The following TMEM164 variants were observed in gnomAD, a reference collection of about 807,000 sequenced individuals.
TMEM164 encodes transmembrane protein 164, also known as RP13-360B22.2.
TMEM164 carries 4 observed loss-of-function variants against 18.8 expected under a neutral mutation model. The observed-to-expected ratio is 0.21, with a 90% confidence interval of 0.10 to 0.49. TMEM164 has a LOEUF of 0.49. TMEM164 is among the 20% of genes least tolerant of loss of function. The pLI is 0.98. For synonymous variants in TMEM164, 86 were observed against 101.7 expected (o/e 0.85, Z 0.93); for missense variants, 108 against 239.9 (o/e 0.45, Z 3.63).
At chrX:110,002,928 T>C (rs1301807485), upstream of TMEM164, among the ~76,000 whole-genome samples, 4 of 107,838 alleles carry the variant, frequency 3.7e-5, no homozygotes, top group African/African-American at 1.0e-4. Flanking sequence ...GCCTTCCCTC[T>C]GGCTTCCTCC....
At chrX:110,092,437 G>C (rs865783895) in intron 3 of TMEM164, among the ~76,000 whole-genome samples, 4 of 111,422 alleles carry the variant, frequency 3.6e-5, no homozygotes, top group African/African-American at 6.5e-5. Context: ...CCCTTGTAAG[G>C]TGGATTCGTA....
At chrX:110,119,041 G>A (rs968964804) in intron 4 of TMEM164, among the ~76,000 whole-genome samples, 9 of 110,877 alleles carry the variant, frequency 8.1e-5, no homozygotes, top group Admixed American at 5.8e-4. Flanking sequence ...AAAGACAGAG[G>A]GGTGATAGAT....
intron 5 of TMEM164, among the ~76,000 whole-genome samples, chrX:110,153,807 G>A (rs996450843): frequency 3.6e-5 from 4 of 111,537 alleles, no homozygotes; most frequent in Non-Finnish European, 7.5e-5. Flanking sequence ...TCAGCTATCA[G>A]TAGTGTATTT....
At chrX:110,076,006 A>AT (rs56696213) in intron 3 of TMEM164, among the ~76,000 whole-genome samples, 2 of 73,750 alleles carry the variant, frequency 2.7e-5, no homozygotes, top group East Asian at 8.5e-4. Flanking sequence ...CTCCTCCTTG[A>AT]TTTTTTTTTT....
rs187123012 is a variant in TMEM164, at chrX:110,081,826, C to T, written c.440+14430C>T. 4.3e-3 allele frequency among the ~76,000 whole-genome samples: 479 copies of T among 112,024 alleles called. 1 individual carries two copies. Among genetic ancestry groups the T allele is most frequent in the African/African-American group, 0.014 (433 of 30,858 alleles). ...GCCACACATGAGTTTACCAGCTTCCCAGCTAACCAGGGGCCAGCATGTTCT... is the reference window on the plus strand; with the variant it reads ...GCCACACATGAGTTTACCAGCTTCCTAGCTAACCAGGGGCCAGCATGTTCT... On this transcript the variant is annotated intron_variant, in intron 3 of 6. Coordinates refer to ENST00000372068, the MANE Select transcript of TMEM164 (RefSeq NM_032227.4).
At chrX:110,079,597 T>C (rs967553948) in intron 3 of TMEM164, among the ~76,000 whole-genome samples, 3 of 111,901 alleles carry the variant, frequency 2.7e-5, no homozygotes, top group Non-Finnish European at 3.8e-5. Flanking sequence ...CTGGGTGCAA[T>C]TTTGAAACCC....
At chrX:110,137,829 T>C (rs2066712705) in intron 4 of TMEM164, among the ~76,000 whole-genome samples, 1 of 112,084 alleles carries the variant, frequency 8.9e-6, no homozygotes, top group Admixed American at 9.4e-5. Flanking sequence ...TTAATAGGTG[T>C]TTTTGGTCAA....
At chrX:110,103,337 A>C (rs941863698) in intron 3 of TMEM164, among the ~76,000 whole-genome samples, 1 of 111,991 alleles carries the variant, frequency 8.9e-6, no homozygotes, top group African/African-American at 3.2e-5. Context: ...AGCAAGGAGG[A>C]AGTTTTAGTC....
At chrX:110,069,187 T>A (rs2065545894) in intron 3 of TMEM164, among the ~76,000 whole-genome samples, 1 of 112,067 alleles carries the variant, frequency 8.9e-6, no homozygotes, top group South Asian at 3.7e-4. Flanking sequence ...TATATGGGAA[T>A]GTTTAAATAT....
chrX:110,046,596 T>C, intron 2 of TMEM164: 2 of 510,863 alleles, frequency 3.9e-6, no homozygotes, highest in Non-Finnish European at 4.8e-6. Context: ...TCTCTTCTGG[T>C]GTCACTAGGA....
intron 4 of TMEM164, among the ~76,000 whole-genome samples, chrX:110,122,188 A>G (rs1193549932): frequency 1.8e-5 from 2 of 109,210 alleles, no homozygotes; most frequent in African/African-American, 6.7e-5. Context: ...ATGTCCAACA[A>G]TGATAGACTG....
intron 5 of TMEM164, among the ~76,000 whole-genome samples, chrX:110,162,445 G>T (rs1293372729): frequency 8.9e-6 from 1 of 112,322 alleles, no homozygotes; most frequent in Non-Finnish European, 1.9e-5. Flanking sequence ...CTTCCAGGGT[G>T]AAGCATGGCC....
intron 2 of TMEM164, among the ~76,000 whole-genome samples, chrX:110,010,713 A>G (rs1243271776): frequency 1.8e-5 from 2 of 111,850 alleles, no homozygotes; most frequent in African/African-American, 6.5e-5. Flanking sequence ...ATCTGTGGGC[A>G]AGGCATTAAG....
At chrX:110,152,350 A>G (rs113961124) in intron 5 of TMEM164, among the ~76,000 whole-genome samples, 5,632 of 110,823 alleles carry the variant, frequency 0.051, 363 homozygotes, top group African/African-American at 0.18. Flanking sequence ...CACCCTGCCC[A>G]GCTGAATTTT....
At chrX:110,183,045 C>T (rs1259222996), downstream of TMEM164, among the ~76,000 whole-genome samples, 1 of 112,241 alleles carries the variant, frequency 8.9e-6, no homozygotes, top group Non-Finnish European at 1.9e-5. Flanking sequence ...TTAGGCCCCT[C>T]CTGCAGTGGC....
downstream of TMEM164, among the ~76,000 whole-genome samples, chrX:110,179,578 A>G (rs1457520539): frequency 8.9e-6 from 1 of 111,882 alleles, no homozygotes; most frequent in East Asian, 2.8e-4. Flanking sequence ...CTGTTTTCTC[A>G]GCTTCCCACT....
chrX:110,162,126 C>T (rs1188866989), intron 5 of TMEM164, among the ~76,000 whole-genome samples: 1 of 112,804 alleles, frequency 8.9e-6, no homozygotes, highest in Admixed American at 9.3e-5. Flanking sequence ...TGATACAGAA[C>T]GAGTTGAAAC....
At chrX:110,067,464 A>G in intron 3 of TMEM164, 68 bp downstream of exon 3, 1 of 1,019,516 alleles carries the variant, frequency 9.8e-7, no homozygotes. Context: ...AACAAGACTG[A>G]TAACACATTG....
intron 2 of TMEM164, among the ~76,000 whole-genome samples, chrX:110,024,440 C>T (rs953456414): frequency 1.8e-5 from 2 of 111,273 alleles, no homozygotes; most frequent in Non-Finnish European, 3.8e-5. Context: ...CATGCCATCG[C>T]ACCTGGCTGA....
Sources: allele counts gnomAD v4.1 joint callset (sites outside exome capture counted in the v4.1 genomes callset), GRCh38; gene constraint gnomAD v4.1.1; transcripts MANE v1.5; gene names NCBI Gene and HGNC (gene_info 2026-07-23, HGNC 2026-07-21).